PADI2: variants seen among roughly 807,000 people sequenced by gnomAD.
PADI2 encodes peptidyl arginine deiminase 2.
In PADI2, 70 loss-of-function variants were observed where a neutral mutation model predicts 81.1. The observed-to-expected ratio is 0.86, with a 90% CI of 0.71 to 1.05. PADI2 has a LOEUF of 1.05. PADI2 is among the 50% of genes least tolerant of loss of function. PADI2 has a pLI of 0.00. For synonymous variants in PADI2, 338 were observed against 358.0 expected (o/e 0.94, Z 0.63); for missense variants, 853 against 889.9 (o/e 0.96, Z 0.53).
In PADI2 at chr1:17,086,557, G is replaced by A. The variant is rs762572480; in HGVS notation, c.798C>T (p.Val266=). The A allele has an allele frequency of 1.9e-5, 31 of 1,613,766 alleles. No individual in the cohort carries two copies. Among genetic ancestry groups the A allele is most frequent in the Middle Eastern group, 3.3e-4 (2 of 6,084 alleles). Residue 266 remains valine (V), a synonymous_variant, in exon 7 of 16, where the codon GTC becomes GTT. Coordinates refer to ENST00000375486, the MANE Select transcript of PADI2 (RefSeq NM_007365.3). The stretch of plus-strand genomic sequence containing the variant: ...ACTCCAGCAGGCTGACATGGATGGA[G>A]ACCAGGCCTGAGAAGCCCTCGTCGG... ...CFPDEGFSGL[V]SIHVSLLEYM...
intron 14 of PADI2, 99 bp from the exon 15 acceptor site, chr1:17,070,315 C>A: frequency 6.7e-7 from 1 of 1,489,456 alleles, no homozygotes; most frequent in Non-Finnish European, 9.2e-7. Flanking sequence ...CCAGGGGCCC[C>A]GGCACTCCAG....
At chr1:17,107,584 G>A (rs187350465) in intron 1 of PADI2, among the ~76,000 whole-genome samples, 3 of 152,324 alleles carry the variant, frequency 2.0e-5, no homozygotes, top group Non-Finnish European at 4.4e-5. Flanking sequence ...TGATGCTGCC[G>A]GTCCCAGTAC....
intron 12 of PADI2, 44 bp downstream of exon 12, chr1:17,075,635 T>C: frequency 1.3e-6 from 2 of 1,559,158 alleles, no homozygotes; most frequent in Non-Finnish European, 1.7e-6. Flanking sequence ...AATATATTGG[T>C]TTGCTGCTAC....
intron 6 of PADI2, among the ~76,000 whole-genome samples, chr1:17,089,241 G>C (rs551220954): frequency 6.6e-6 from 1 of 152,340 alleles, no homozygotes; most frequent in Admixed American, 6.5e-5. Flanking sequence ...CCAAAGAATA[G>C]AAAGTGAGGT....
At chr1:17,112,494 C>T (rs1931617044) in intron 1 of PADI2, among the ~76,000 whole-genome samples, 1 of 148,588 alleles carries the variant, frequency 6.7e-6, no homozygotes, top group African/African-American at 2.5e-5. Flanking sequence ...CTGGGTGTGA[C>T]ATCCTGCTCT....
In PADI2 at chr1:17,095,943, C is replaced by A. The variant is rs764984285; in HGVS notation, c.377G>T (p.Arg126Leu). Residue 126 changes from arginine to leucine, a missense_variant, in exon 4 of 16, where the codon CGG (arginine) becomes CTG (leucine). Transcript: ENST00000375486. ...IEISLDVDAD[R>L]DGVVEKNNPK... ...GTTGTTCTTCTCCACCACACCATCCCGGTCTGCGTCCACATCCAGGGAGAT... is the reference window on the plus strand; with the variant it reads ...GTTGTTCTTCTCCACCACACCATCCAGGTCTGCGTCCACATCCAGGGAGAT... 1 of 1,608,008 alleles carries A rather than the reference C, an allele frequency of 6.2e-7. No individual in the cohort carries two copies. Among genetic ancestry groups the A allele is most frequent in the Non-Finnish European group, 8.5e-7 (1 of 1,177,236 alleles).
At chr1:17,093,418 C>T (rs909953403) in intron 5 of PADI2, 149 bp downstream of exon 5, 4 of 651,360 alleles carry the variant, frequency 6.1e-6, no homozygotes, top group South Asian at 5.8e-5. Context: ...ATGGTTTTGC[C>T]TTTGGCTTTA....
chr1:17,081,606 G>C (rs757882603), intron 10 of PADI2, among the ~76,000 whole-genome samples: 1 of 152,190 alleles, frequency 6.6e-6, no homozygotes, highest in Non-Finnish European at 1.5e-5. Flanking sequence ...GTGACCTTGG[G>C]AAAAGTCCCC....
Position 17,068,836 on chromosome 1 carries a change from G to A in PADI2, c.*208C>T, listed in dbSNP as rs1570971336. 1.2e-5 allele frequency: 7 copies of A among 593,248 alleles called. No individual in the cohort carries two copies. The East Asian group carries it at 2.0e-4, about 17-fold the overall frequency. The allele number at this position is 593,248 out of a possible 1,614,324, so 36.7% of individuals were successfully genotyped here. On this transcript the variant is annotated 3_prime_UTR_variant, in exon 16 of 16. Coordinates refer to ENST00000375486, the MANE Select transcript of PADI2 (RefSeq NM_007365.3). ...ACACTGGCCCAGCTATTTTCAGCAG[G>A]GACAGAGTCGAGGCTCACTGGGGAT...
At chr1:17,107,695 G>A (rs940856539) in intron 1 of PADI2, among the ~76,000 whole-genome samples, 8 of 152,178 alleles carry the variant, frequency 5.3e-5, no homozygotes, top group Non-Finnish European at 1.0e-4. Flanking sequence ...AGAGGCTGCC[G>A]GGCAGTGTCT....
intron 6 of PADI2, among the ~76,000 whole-genome samples, chr1:17,087,699 A>T (rs1930523101): frequency 6.6e-6 from 1 of 152,062 alleles, no homozygotes; most frequent in African/African-American, 2.4e-5. Flanking sequence ...ACAGGGTTTC[A>T]TCGCCATCTT....
chr1:17,094,342 A>C (rs1166096615), intron 4 of PADI2, among the ~76,000 whole-genome samples: 2 of 151,972 alleles, frequency 1.3e-5, no homozygotes, highest in Non-Finnish European at 2.9e-5. Context: ...TTCTGCTCCC[A>C]AAAGACTCAA....
intron 10 of PADI2, 94 bp from the exon 11 acceptor site, chr1:17,079,509 CTG>C: frequency 9.5e-7 from 1 of 1,054,370 alleles, no homozygotes; most frequent in South Asian, 1.5e-5. Flanking sequence ...CAGTCTGGGT[CTG>C]TGGGCACCCA....
chr1:17,084,798 A>T (rs1048646321), intron 7 of PADI2, 96 bp from the exon 8 acceptor site: 38 of 714,294 alleles, frequency 5.3e-5, no homozygotes, highest in Non-Finnish European at 7.5e-5. Flanking sequence ...GACAGTGAAT[A>T]CATTTCCTCA....
intron 1 of PADI2, among the ~76,000 whole-genome samples, chr1:17,114,680 T>G (rs1243688021): frequency 6.9e-6 from 1 of 145,400 alleles, no homozygotes; most frequent in Non-Finnish European, 1.5e-5. Context: ...AACAGAGTTC[T>G]CGGGACTCAG....
intron 1 of PADI2, among the ~76,000 whole-genome samples, chr1:17,109,281 G>A (rs919136803): frequency 6.0e-5 from 9 of 150,040 alleles, no homozygotes; most frequent in Admixed American, 1.3e-4. Context: ...CCAGCTACTC[G>A]GGAGGCTGAG....
At chr1:17,105,133 T>C (rs1353529420) in intron 1 of PADI2, 72 bp from the exon 2 acceptor site, 5 of 1,108,548 alleles carry the variant, frequency 4.5e-6, no homozygotes, top group East Asian at 2.7e-5. Context: ...AAGAGGAGAC[T>C]CCTGCTTCCA....
At chr1:17,117,555 AGG>A (rs943818537) in intron 1 of PADI2, among the ~76,000 whole-genome samples, 1 of 152,046 alleles carries the variant, frequency 6.6e-6, no homozygotes, top group Non-Finnish European at 1.5e-5. Flanking sequence ...AGACAGGACA[AGG>A]GGAATCGTCA....
At chr1:17,080,564 T>G (rs1184290987) in intron 10 of PADI2, among the ~76,000 whole-genome samples, 1 of 152,190 alleles carries the variant, frequency 6.6e-6, no homozygotes, top group Non-Finnish European at 1.5e-5. Context: ...GGTTTGTTAC[T>G]TGGTGAAGCT....
Sources: gnomAD v4.1 joint callset for allele counts (sites outside exome capture counted in the v4.1 genomes callset) on GRCh38, gnomAD v4.1.1 for gene constraint, MANE v1.5 for transcripts, NCBI Gene and HGNC (gene_info 2026-07-23, HGNC 2026-07-21) for gene names.